Variants in ADAMTS19 observed in about 807,000 individuals in gnomAD.
The protein encoded by ADAMTS19 is A disintegrin and metalloproteinase with thrombospondin motifs 19.
ADAMTS19 carries 93 observed loss-of-function variants against 153.3 expected under a neutral mutation model. That is an observed-to-expected ratio of 0.61 (90% CI 0.51 to 0.72). The LOEUF is 0.72. ADAMTS19 is among the 30% of genes least tolerant of loss of function. The pLI is 0.00. For missense variants in ADAMTS19, 1,482 were observed against 1,552.1 expected (o/e 0.95, Z 0.76); for synonymous variants, 600 against 556.6 (o/e 1.08, Z -1.10).
chr5:129,529,770 C>T (rs1280562096), intron 6 of ADAMTS19, among the ~76,000 whole-genome samples: 2 of 152,034 alleles, frequency 1.3e-5, no homozygotes, highest in Non-Finnish European at 2.9e-5. Flanking sequence ...GCTGACTGTA[C>T]GTGAGAACTT....
At position 129,535,043 on chromosome 5, in the gene ADAMTS19, A is replaced by G. The variant is rs562673531; in HGVS notation, c.1328+6366A>G. Reference sequence around the variant, plus strand: ...CTCTCTCACCACTCCTATTCAACATAGTGTTGGAAGTTCTGGCCAGGACAG... The same window carrying G: ...CTCTCTCACCACTCCTATTCAACATGGTGTTGGAAGTTCTGGCCAGGACAG... On this transcript the variant is annotated intron_variant, in intron 6 of 22. Transcript: ENST00000274487. Among the ~76,000 whole-genome samples, 12 of 152,302 alleles carry G rather than the reference A, an allele frequency of 7.9e-5. No homozygotes were observed. The East Asian group carries it at 2.3e-3, about 29-fold the overall frequency.
chr5:129,505,703 A>G (rs1751247747), intron 2 of ADAMTS19, among the ~76,000 whole-genome samples: 1 of 152,164 alleles, frequency 6.6e-6, no homozygotes. Context: ...ATTGCAAAAT[A>G]TGGAAATTCT....
chr5:129,549,707 T>C (rs1034660171), intron 6 of ADAMTS19, among the ~76,000 whole-genome samples: 2 of 151,144 alleles, frequency 1.3e-5, no homozygotes, highest in East Asian at 3.9e-4. Context: ...GAGCTAAATG[T>C]AATGAGCATA....
chr5:129,582,756 T>C (rs1199173854), intron 7 of ADAMTS19, among the ~76,000 whole-genome samples: 1 of 146,588 alleles, frequency 6.8e-6, no homozygotes, highest in African/African-American at 2.6e-5. Context: ...TTTTTTTTTG[T>C]ATTTTTTAGT....
rs1274879422 is a variant in ADAMTS19 at position 129,471,302 on chromosome 5, G to A, written c.747+9545G>A. Among the ~76,000 whole-genome samples, 4 of 152,038 alleles carry A rather than the reference G, an allele frequency of 2.6e-5. No homozygotes were observed. In the East Asian group the frequency reaches 5.8e-4, roughly 22 times the overall value. On this transcript the variant is annotated intron_variant, in intron 2 of 22. Transcript: ENST00000274487. Reference sequence around the variant, plus strand: ...GATCACCTGAAGCCAGGAGTTAGAGGCTGCAGTGAGCTGTGATTGCACCAC... The same window carrying A: ...GATCACCTGAAGCCAGGAGTTAGAGACTGCAGTGAGCTGTGATTGCACCAC...
At chr5:129,575,232 G>A (rs1317519262) in intron 7 of ADAMTS19, among the ~76,000 whole-genome samples, 1 of 151,980 alleles carries the variant, frequency 6.6e-6, no homozygotes, top group Non-Finnish European at 1.5e-5. Flanking sequence ...GAGTTGGTTT[G>A]TAGTTGTAAA....
chr5:129,461,181 T>G lies in ADAMTS19; in HGVS notation c.171T>G (p.Ala57=). 3 of 1,368,042 alleles carry G rather than the reference T, an allele frequency of 2.2e-6. No homozygotes were observed. The highest frequency in any genetic ancestry group is 2.8e-6 in the Non-Finnish European group (3 of 1,058,302). 84.7% of individuals were successfully genotyped at this position (1,368,042 alleles called of 1,614,324 possible). The change falls in exon 2 of 23, where the codon GCT becomes GCG. Residue 57 remains alanine, a synonymous_variant. Coordinates refer to ENST00000274487, the MANE Select transcript of ADAMTS19 (RefSeq NM_133638.6). The surrounding 1 kb of genome is among the most constrained non-coding windows in gnomAD (Gnocchi z 4.6). ...GGCGCCGGGAGCCGGTGGACCCGGCTGGCGGCAGCGGGGGCAGCGCGGACC... is the reference window on the plus strand; with the variant it reads ...GGCGCCGGGAGCCGGTGGACCCGGCGGGCGGCAGCGGGGGCAGCGCGGACC... The part of the protein sequence containing the change: ...ALWRREPVDP[A]GGSGGSADPG...
intron 16 of ADAMTS19, among the ~76,000 whole-genome samples, chr5:129,670,856 T>C (rs944323923): frequency 3.3e-5 from 5 of 152,150 alleles, no homozygotes; most frequent in African/African-American, 9.6e-5. Flanking sequence ...TAAACATAAG[T>C]CTCCAATCAC....
chr5:129,620,582 G>A, intron 8 of ADAMTS19, 36 bp from the exon 9 acceptor site: 1 of 1,456,370 alleles, frequency 6.9e-7, no homozygotes, highest in Non-Finnish European at 9.2e-7. Context: ...CATTTACTTA[G>A]TGTAAATTTT....
intron 7 of ADAMTS19, among the ~76,000 whole-genome samples, chr5:129,562,644 G>A (rs1022536146): frequency 3.3e-5 from 5 of 152,190 alleles, no homozygotes; most frequent in Admixed American, 6.5e-5. Flanking sequence ...GTGTGCGTGT[G>A]TGTGTGTGTA....
At chr5:129,595,143 C>T (rs1750314920) in intron 7 of ADAMTS19, among the ~76,000 whole-genome samples, 1 of 152,102 alleles carries the variant, frequency 6.6e-6, no homozygotes, top group Admixed American at 6.6e-5. Flanking sequence ...TCTCTACTTT[C>T]CTGATAGGCC....
intron 21 of ADAMTS19, among the ~76,000 whole-genome samples, chr5:129,727,492 G>A (rs1291645793): frequency 3.3e-5 from 5 of 152,162 alleles, no homozygotes; most frequent in African/African-American, 1.2e-4. Context: ...ATGGCAGTAT[G>A]TGGAAAAGGG....
chr5:129,539,655 CT>C (rs758494521), intron 6 of ADAMTS19, among the ~76,000 whole-genome samples: 10 of 152,064 alleles, frequency 6.6e-5, no homozygotes, highest in Non-Finnish European at 1.3e-4. Flanking sequence ...AACTACTTAT[CT>C]GTTTATAGAA....
At chr5:129,497,682 C>A (rs755527475) in intron 2 of ADAMTS19, among the ~76,000 whole-genome samples, 1 of 152,018 alleles carries the variant, frequency 6.6e-6, no homozygotes, top group African/African-American at 2.4e-5. Flanking sequence ...TGCCACTGTT[C>A]CCCCATGTCC....
chr5:129,491,930 TG>T (rs2126691902), intron 2 of ADAMTS19, among the ~76,000 whole-genome samples: 1 of 152,344 alleles, frequency 6.6e-6, no homozygotes, highest in African/African-American at 2.4e-5. Context: ...TAAACATGCC[TG>T]GAAGAAATCA....
intron 7 of ADAMTS19, among the ~76,000 whole-genome samples, chr5:129,578,380 G>T (rs1486238801): frequency 8.0e-6 from 1 of 124,716 alleles, no homozygotes; most frequent in Admixed American, 8.0e-5. Flanking sequence ...GTACGTATAC[G>T]TACATATACC....
chr5:129,724,985 G>A (rs912430508), intron 21 of ADAMTS19, among the ~76,000 whole-genome samples: 3 of 152,070 alleles, frequency 2.0e-5, no homozygotes, highest in African/African-American at 7.2e-5. Flanking sequence ...TTTCCTATTG[G>A]CACAGTTGCC....
At chr5:129,477,465 G>A (rs1383501449) in intron 2 of ADAMTS19, among the ~76,000 whole-genome samples, 2 of 152,152 alleles carry the variant, frequency 1.3e-5, no homozygotes, top group Non-Finnish European at 2.9e-5. Flanking sequence ...TTAGTGGGCG[G>A]AAAGATGAAA....
intron 18 of ADAMTS19, 82 bp from the exon 19 acceptor site, chr5:129,694,638 G>C: frequency 9.6e-7 from 1 of 1,042,964 alleles, no homozygotes; most frequent in Non-Finnish European, 1.2e-6. Flanking sequence ...TAAAAAATAA[G>C]CATAATAAGC....
Sources: allele counts gnomAD v4.1 joint callset (sites outside exome capture counted in the v4.1 genomes callset), GRCh38; gene constraint gnomAD v4.1.1; non-coding constraint Gnocchi (gnomAD v3.1); transcripts MANE v1.5; gene names NCBI Gene and HGNC (gene_info 2026-07-23, HGNC 2026-07-21).